PREX2: variants seen among roughly 807,000 people sequenced by gnomAD.
The protein encoded by PREX2 is phosphatidylinositol-3,4,5-trisphosphate dependent Rac exchange factor 2, also known as phosphatidylinositol 3,4,5-trisphosphate-dependent Rac exchanger 2 protein.
Under a neutral mutation model 203.2 loss-of-function variants are expected in PREX2, and 107 were observed. The ratio of observed to expected loss-of-function variants is 0.53; its 90% CI spans 0.45 to 0.62. The LOEUF is 0.62. Among genes scored for constraint, PREX2 ranks in the 20% least tolerant of loss-of-function variants. The pLI is 0.00. For synonymous variants in PREX2, 672 were observed against 663.6 expected, an observed-to-expected ratio of 1.01 and a Z score of -0.19; for missense variants, 1,777 against 1,955.9, an observed-to-expected ratio of 0.91 and a Z score of 1.72.
At chr8:67,954,636 C>T (rs1052431058) in intron 1 of PREX2, among the ~76,000 whole-genome samples, 4 of 152,130 alleles carry the variant, frequency 2.6e-5, no homozygotes, top group South Asian at 4.2e-4. Flanking sequence ...TTAAATAAGT[C>T]GAGTGGTAAA....
At chr8:68,205,016 G>A (rs775540571) in intron 37 of PREX2, among the ~76,000 whole-genome samples, 29 of 152,070 alleles carry the variant, frequency 1.9e-4, no homozygotes, top group Non-Finnish European at 3.5e-4. Context: ...GGAAACCCTT[G>A]TCTTCCAGCT....
At chr8:68,112,589 C>G (rs141381181) in intron 25 of PREX2, among the ~76,000 whole-genome samples, 9 of 152,008 alleles carry the variant, frequency 5.9e-5, no homozygotes, top group African/African-American at 1.9e-4. Context: ...ACCATAAAAG[C>G]CAACTTTTTT....
intron 19 of PREX2, among the ~76,000 whole-genome samples, chr8:68,089,938 A>G (rs943592975): frequency 4.6e-5 from 7 of 152,208 alleles, no homozygotes; most frequent in African/African-American, 1.7e-4. Flanking sequence ...ACTGGTTAGG[A>G]TATGTTACTT....
intron 37 of PREX2, among the ~76,000 whole-genome samples, chr8:68,205,902 C>T (rs1265344550): frequency 6.6e-6 from 1 of 152,108 alleles, no homozygotes; most frequent in Admixed American, 6.6e-5. Context: ...TGCTTCAAAC[C>T]TAGTTTCTTT....
chr8:68,047,750 T>C (rs918916706), intron 8 of PREX2, among the ~76,000 whole-genome samples: 2 of 151,372 alleles, frequency 1.3e-5, no homozygotes, highest in Non-Finnish European at 2.9e-5. Flanking sequence ...ATGCAAATCC[T>C]GAGTATTTTT....
At chr8:68,095,541 G>A (rs1370789042) in intron 21 of PREX2, among the ~76,000 whole-genome samples, 6 of 145,338 alleles carry the variant, frequency 4.1e-5, no homozygotes, top group Admixed American at 6.9e-5. Flanking sequence ...ACATATATGT[G>A]TGTGTGTGTG....
At chr8:68,161,599 G>C (rs1811654918) in intron 35 of PREX2, among the ~76,000 whole-genome samples, 1 of 151,824 alleles carries the variant, frequency 6.6e-6, no homozygotes, top group Non-Finnish European at 1.5e-5. Flanking sequence ...ACCTTCTACA[G>C]CTTGCTTAAA....
chr8:68,016,572 C>T (rs1019989333), intron 1 of PREX2, among the ~76,000 whole-genome samples: 2 of 152,032 alleles, frequency 1.3e-5, no homozygotes, highest in African/African-American at 4.8e-5. Flanking sequence ...AGAATAAAGT[C>T]CTAGAAGTAG....
intron 23 of PREX2, chr8:68,105,504 T>A (rs1357080271): frequency 8.6e-7 from 1 of 1,160,062 alleles, no homozygotes; most frequent in Non-Finnish European, 1.1e-6. Flanking sequence ...CAAGAGAATC[T>A]TCTGCCAGCT....
chr8:68,058,562 T>A (rs1331932893), intron 10 of PREX2, among the ~76,000 whole-genome samples: 1 of 152,008 alleles, frequency 6.6e-6, no homozygotes, highest in Non-Finnish European at 1.5e-5. Flanking sequence ...GCCTCCCTAG[T>A]GGCTGGGATT....
At position 68,097,161 on chromosome 8, in the gene PREX2, A is replaced by G; in HGVS notation, c.2513A>G (p.Lys838Arg). 6.2e-7 allele frequency: 1 copy of G among 1,613,906 alleles called. No homozygotes were observed. Among genetic ancestry groups the G allele is most frequent in the Non-Finnish European group, 8.5e-7 (1 of 1,179,866 alleles). ...TAGIKCNVVE[K>R]MIEPKGFFSL... ...GGCATCAAGTGCAATGTGGTGGAAAAGATGATTGAGCCCAAAGGTTTCTTC... is the reference window on the plus strand; with the variant it reads ...GGCATCAAGTGCAATGTGGTGGAAAGGATGATTGAGCCCAAAGGTTTCTTC... Residue 838 changes from lysine to arginine, a missense_variant, in exon 22 of 40, where the codon AAG (lysine) becomes AGG (arginine). Transcript: ENST00000288368.
intron 1 of PREX2, among the ~76,000 whole-genome samples, chr8:68,011,419 TG>T (rs1479243117): frequency 7.8e-6 from 1 of 128,278 alleles, no homozygotes; most frequent in African/African-American, 4.0e-5. Context: ...ATGAGTAAAA[TG>T]GGCTTTGTAT....
At chr8:67,963,602 AC>A (rs1284788052) in intron 1 of PREX2, among the ~76,000 whole-genome samples, 1 of 152,140 alleles carries the variant, frequency 6.6e-6, no homozygotes, top group Non-Finnish European at 1.5e-5. Flanking sequence ...TCCCCAGATT[AC>A]GCTAAAACTG....
intron 38 of PREX2, among the ~76,000 whole-genome samples, chr8:68,223,812 T>C (rs558752612): frequency 6.6e-6 from 1 of 152,290 alleles, no homozygotes; most frequent in Non-Finnish European, 1.5e-5. Context: ...TGGACATAGC[T>C]TGTCCAAAAA....
At chr8:67,998,231 C>A (rs1012676292) in intron 1 of PREX2, among the ~76,000 whole-genome samples, 23 of 152,116 alleles carry the variant, frequency 1.5e-4, no homozygotes, top group African/African-American at 5.6e-4. Context: ...TATCCTGCCA[C>A]CCTGAATGCT....
At chr8:67,974,776 A>G (rs1806025997) in intron 1 of PREX2, among the ~76,000 whole-genome samples, 1 of 152,246 alleles carries the variant, frequency 6.6e-6, no homozygotes, top group African/African-American at 2.4e-5. Context: ...ATGCAGTGAT[A>G]TCATTTTAGA....
At position 68,038,097 on chromosome 8, in the gene PREX2, A is replaced by G. The variant is rs548197256; in HGVS notation, c.706-62A>G. ...AACAACCATAATTGTAAGTCGAAAA[A>G]TAATTATTTACAGAAGTGTCAACCA... On this transcript the variant is annotated intron_variant, in intron 6 of 39. Coordinates refer to ENST00000288368, the MANE Select transcript of PREX2 (RefSeq NM_024870.4). The G allele has an allele frequency of 7.5e-5, 115 of 1,537,384 alleles. No individual in the cohort carries two copies. In the African/African-American group the frequency reaches 1.4e-3, roughly 19 times the overall value.
intron 11 of PREX2, among the ~76,000 whole-genome samples, chr8:68,064,457 C>T (rs1230497756): frequency 6.6e-6 from 1 of 152,218 alleles, no homozygotes; most frequent in African/African-American, 2.4e-5. Context: ...TAGCTTCAAC[C>T]TCCTGGGCTC....
chr8:68,103,741 C>T (rs1585795400), intron 23 of PREX2: 1 of 519,460 alleles, frequency 1.9e-6, no homozygotes, highest in Non-Finnish European at 3.8e-6. Context: ...TAAACCTCTA[C>T]TTGGTGGTTC....
Sources: gnomAD v4.1 joint callset for allele counts (sites outside exome capture counted in the v4.1 genomes callset) on GRCh38, gnomAD v4.1.1 for gene constraint, MANE v1.5 for transcripts, NCBI Gene and HGNC (gene_info 2026-07-23, HGNC 2026-07-21) for gene names.